Variants in USP15 observed in about 807,000 individuals in gnomAD.
USP15 encodes the protein ubiquitin carboxyl-terminal hydrolase 15.
A neutral mutation model predicts 127.1 loss-of-function variants in USP15; 18 were observed. The ratio of observed to expected loss-of-function variants is 0.14; its 90% CI spans 0.10 to 0.21. The LOEUF is 0.21. USP15 is among the 10% of genes least tolerant of loss of function. The pLI, the probability that USP15 is intolerant of heterozygous loss-of-function variation, is 1.00. For missense variants in USP15, 805 were observed against 1,159.9 expected (o/e 0.69, Z 4.44); for synonymous variants, 364 against 393.7 (o/e 0.92, Z 0.89).
chr12:62,295,959 G>A (rs1187475611), intron 2 of USP15, among the ~76,000 whole-genome samples: 2 of 152,148 alleles, frequency 1.3e-5, no homozygotes, highest in Non-Finnish European at 2.9e-5. Flanking sequence ...CCTGGTGAAC[G>A]TAATCTAATC....
intron 1 of USP15, among the ~76,000 whole-genome samples, chr12:62,270,491 C>T (rs1074958): frequency 0.085 from 12,932 of 152,062 alleles, 625 homozygotes; most frequent in Middle Eastern, 0.16. Flanking sequence ...TTTTGTAGTT[C>T]TGGCTCTTAC....
intron 1 of USP15, among the ~76,000 whole-genome samples, chr12:62,272,489 G>A (rs1173378263): frequency 1.3e-5 from 2 of 151,858 alleles, no homozygotes; most frequent in Non-Finnish European, 2.9e-5. Flanking sequence ...TACCTCTCTG[G>A]TTTCCTAAAT....
chr12:62,281,319 T>G (rs1458798486), intron 1 of USP15, among the ~76,000 whole-genome samples: 1 of 152,114 alleles, frequency 6.6e-6, no homozygotes, highest in Non-Finnish European at 1.5e-5. Context: ...GTTTCTGGAG[T>G]AGATTCTCCT....
At chr12:62,343,329 G>A (rs567608399) in intron 6 of USP15, among the ~76,000 whole-genome samples, 15 of 152,292 alleles carry the variant, frequency 9.8e-5, no homozygotes, top group South Asian at 6.2e-4. Flanking sequence ...CCAGCCAGTG[G>A]TTCCTAGCTT....
rs548499783 is a variant in USP15, at chr12:62,269,450, G to T, written c.89+8947G>T. On this transcript the variant is annotated intron_variant, in intron 1 of 21. Coordinates refer to ENST00000280377, the MANE Select transcript of USP15 (RefSeq NM_001252078.2). Reference sequence around the variant, plus strand: ...TTTTTGTTTTTAGAGACAGGGTCTGGCTCTGTCACCCAGACTGAAATGCAG... The same window carrying T: ...TTTTTGTTTTTAGAGACAGGGTCTGTCTCTGTCACCCAGACTGAAATGCAG... 3.3e-3 allele frequency among the ~76,000 whole-genome samples: 494 copies of T among 151,940 alleles called. 1 individual carries two copies. Among genetic ancestry groups the T allele is most frequent in the Admixed American group, 5.5e-3 (84 of 15,238 alleles).
chr12:62,327,686 A>G (rs1253359365), intron 6 of USP15: 4 of 435,236 alleles, frequency 9.2e-6, no homozygotes, highest in African/African-American at 2.1e-5. Flanking sequence ...ATTTATTCCA[A>G]CAACTTTAGT....
intron 8 of USP15, among the ~76,000 whole-genome samples, chr12:62,370,619 G>A (rs73136863): frequency 0.1 from 15,712 of 152,136 alleles, 865 homozygotes; most frequent in Middle Eastern, 0.17. Context: ...CATTACTGTT[G>A]TCATGATACC....
intron 1 of USP15, among the ~76,000 whole-genome samples, chr12:62,278,898 G>A (rs192738309): frequency 7.7e-4 from 117 of 152,190 alleles, no homozygotes; most frequent in Non-Finnish European, 5.6e-4. Context: ...TCATCGTATG[G>A]ATATTAGAAA....
At chr12:62,359,419 A>G (rs929083520) in intron 8 of USP15, among the ~76,000 whole-genome samples, 2 of 152,150 alleles carry the variant, frequency 1.3e-5, no homozygotes, top group African/African-American at 2.4e-5. Context: ...AAATAATAGT[A>G]CCCTATCTTA....
intron 11 of USP15, 73 bp downstream of exon 11, chr12:62,384,375 T>C (rs1245725515): frequency 1.8e-6 from 2 of 1,121,850 alleles, no homozygotes; most frequent in Non-Finnish European, 1.2e-6. Context: ...AAAAAATTAG[T>C]GTTGAGTCCT....
chr12:62,260,680 G>T (rs1044002029), intron 1 of USP15, among the ~76,000 whole-genome samples, 177 bp downstream of exon 1: 8 of 152,284 alleles, frequency 5.3e-5, no homozygotes, highest in Middle Eastern at 3.4e-3. Flanking sequence ...CTCTAGATGA[G>T]GGTCAGGGTT....
At chr12:62,398,552 A>T (rs1339377072) in intron 20 of USP15, among the ~76,000 whole-genome samples, 1 of 152,214 alleles carries the variant, frequency 6.6e-6, no homozygotes, top group Non-Finnish European at 1.5e-5. Context: ...TTTCCTAATT[A>T]GCACAATGTC....
intron 11 of USP15, among the ~76,000 whole-genome samples, chr12:62,387,136 GA>G (rs1166107327): frequency 2.0e-5 from 3 of 152,148 alleles, no homozygotes; most frequent in African/African-American, 7.2e-5. Flanking sequence ...GATGCATGAG[GA>G]ACACTTAGGT....
At chr12:62,273,036 C>T (rs934070442) in intron 1 of USP15, among the ~76,000 whole-genome samples, 2 of 151,920 alleles carry the variant, frequency 1.3e-5, no homozygotes, top group Admixed American at 6.6e-5. Context: ...CTATTTAGTT[C>T]GGTCTCAGTC....
intron 1 of USP15, among the ~76,000 whole-genome samples, chr12:62,271,413 G>C (rs938132786): frequency 2.0e-5 from 3 of 151,940 alleles, no homozygotes; most frequent in African/African-American, 7.2e-5. Flanking sequence ...TTCTTTAGGT[G>C]CTTGTTTTGA....
intron 1 of USP15, among the ~76,000 whole-genome samples, chr12:62,287,649 G>C (rs2137121762): frequency 6.6e-6 from 1 of 152,234 alleles, no homozygotes; most frequent in Middle Eastern, 3.4e-3. Context: ...GTGTAGGCCA[G>C]TGAACAGAGA....
At chr12:62,390,293 C>T (rs568960846) in intron 14 of USP15, among the ~76,000 whole-genome samples, 2 of 152,130 alleles carry the variant, frequency 1.3e-5, no homozygotes. Context: ...TCTGTGAAAT[C>T]ATAACAAATG....
chr12:62,323,180 T>G (rs2065034153), intron 5 of USP15, among the ~76,000 whole-genome samples: 1 of 152,180 alleles, frequency 6.6e-6, no homozygotes, highest in Non-Finnish European at 1.5e-5. Context: ...AAGATGTATG[T>G]ATATTTGTTT....
Position 62,412,388 on chromosome 12 carries a change from T to C in USP15, c.*8013T>C, listed in dbSNP as rs759450289. The C allele has an allele frequency of 1.3e-5, 2 of 152,320 alleles. No individual in the cohort carries two copies. The highest frequency in any genetic ancestry group is 2.9e-5 in the Non-Finnish European group (2 of 68,132). The allele number at this position is 152,320 out of a possible 1,614,324, so 9.4% of individuals were successfully genotyped here. A position where few individuals can be genotyped will look rare whatever the true frequency, so the allele number is the denominator to read the frequency against. On this transcript the variant is annotated 3_prime_UTR_variant, in exon 22 of 22. Transcript: ENST00000280377. Reference sequence around the variant, plus strand: ...TAAGACAGTAGTGAAGTTTGCTTCATCAATTGACTCTTCCTTTTACAAGAG... The same window carrying C: ...TAAGACAGTAGTGAAGTTTGCTTCACCAATTGACTCTTCCTTTTACAAGAG...
Sources: gnomAD v4.1 joint callset for allele counts (sites outside exome capture counted in the v4.1 genomes callset) on GRCh38, gnomAD v4.1.1 for gene constraint, MANE v1.5 for transcripts, NCBI Gene and HGNC (gene_info 2026-07-23, HGNC 2026-07-21) for gene names.